Variants in AGBL4 observed in about 807,000 individuals in gnomAD.
The protein encoded by AGBL4 is AGBL carboxypeptidase 4.
Under a neutral mutation model 66.4 loss-of-function variants are expected in AGBL4, and 58 were observed. The ratio of observed to expected loss-of-function variants is 0.87; its 90% CI spans 0.71 to 1.09. The LOEUF (loss-of-function observed/expected upper bound fraction) is 1.09. Ranked by LOEUF, AGBL4 falls within the 50% of genes least tolerant of loss-of-function variation. AGBL4 has a pLI of 0.00. For missense variants in AGBL4, 579 were observed against 631.0 expected, an observed-to-expected ratio of 0.92 and a Z score of 0.88; for synonymous variants, 234 against 222.9, an observed-to-expected ratio of 1.05 and a Z score of -0.44.
chr1:49,517,123 C>T (rs1649890802), intron 3 of AGBL4, among the ~76,000 whole-genome samples: 1 of 151,742 alleles, frequency 6.6e-6, no homozygotes, highest in African/African-American at 2.4e-5. Context: ...TACACATCAC[C>T]TCAAGTGTGT....
chr1:49,847,593 T>G (rs902343389), intron 2 of AGBL4, among the ~76,000 whole-genome samples: 12 of 151,948 alleles, frequency 7.9e-5, no homozygotes, highest in Non-Finnish European at 4.4e-5. Flanking sequence ...TATCCAAAAT[T>G]TATAAGGAAC....
intron 6 of AGBL4, among the ~76,000 whole-genome samples, chr1:48,747,641 C>G (rs960083088): frequency 1.3e-5 from 2 of 152,208 alleles, no homozygotes; most frequent in Admixed American, 1.3e-4. Flanking sequence ...CCTCTTTAAG[C>G]CCTACTGGCT....
At chr1:48,799,939 A>T (rs1467894071) in intron 6 of AGBL4, among the ~76,000 whole-genome samples, 3 of 152,044 alleles carry the variant, frequency 2.0e-5, no homozygotes, top group Non-Finnish European at 4.4e-5. Context: ...TGTTCATCAG[A>T]GATATTGGTC....
At chr1:48,833,284 C>G (rs1282707172) in intron 6 of AGBL4, among the ~76,000 whole-genome samples, 1 of 152,138 alleles carries the variant, frequency 6.6e-6, no homozygotes, top group Admixed American at 6.5e-5. Flanking sequence ...TTATTAGATA[C>G]TAGAGGGAAG....
intron 5 of AGBL4, among the ~76,000 whole-genome samples, chr1:48,898,383 A>T (rs914263009): frequency 6.6e-6 from 1 of 151,986 alleles, no homozygotes; most frequent in Non-Finnish European, 1.5e-5. Context: ...TTTTGCCCAG[A>T]CCAAGGTCCT....
intron 1 of AGBL4, among the ~76,000 whole-genome samples, chr1:49,948,493 A>G (rs1270640809): frequency 2.6e-4 from 33 of 127,014 alleles, no homozygotes; most frequent in African/African-American, 8.8e-4. Flanking sequence ...ATAAATATAT[A>G]AAAATATATA....
intron 11 of AGBL4, chr1:48,586,111 C>A (rs188765935): frequency 6.6e-6 from 1 of 152,202 alleles, no homozygotes; most frequent in Non-Finnish European, 1.5e-5. Flanking sequence ...GAATCTGCCA[C>A]GATCTGTTAC....
intron 6 of AGBL4, among the ~76,000 whole-genome samples, chr1:48,830,730 C>T (rs990082591): frequency 6.6e-5 from 10 of 152,172 alleles, no homozygotes; most frequent in Admixed American, 6.5e-5. Context: ...CAATAAATAA[C>T]TTTGGGCACC....
At chr1:49,555,771 T>C (rs1423075721) in intron 3 of AGBL4, among the ~76,000 whole-genome samples, 2 of 150,604 alleles carry the variant, frequency 1.3e-5, no homozygotes, top group Admixed American at 6.6e-5. Context: ...AACAGACACA[T>C]GAAAAAATGC....
chr1:48,541,574 C>G (rs1317522634), intron 11 of AGBL4, among the ~76,000 whole-genome samples: 2 of 152,154 alleles, frequency 1.3e-5, no homozygotes, highest in Non-Finnish European at 2.9e-5. Context: ...GAGCTTGAGA[C>G]CAGCTTGACC....
At chr1:49,365,009 A>G (rs1317870166) in intron 3 of AGBL4, among the ~76,000 whole-genome samples, 1 of 152,208 alleles carries the variant, frequency 6.6e-6, no homozygotes, top group African/African-American at 2.4e-5. Context: ...TATATAAACG[A>G]TAAGTATAAA....
chr1:49,904,551 G>C lies in AGBL4; in HGVS notation c.35-53033C>G, dbSNP rs1032928101. On this transcript the variant is annotated intron_variant, in intron 1 of 13. Transcript: ENST00000371839. ...TAAGAAATGAGCTCTTTTAAAAAGGGTTAGTTGGAAAACTCCAATAGCATT... is the reference window on the plus strand; with the variant it reads ...TAAGAAATGAGCTCTTTTAAAAAGGCTTAGTTGGAAAACTCCAATAGCATT... 3.3e-5 allele frequency among the ~76,000 whole-genome samples: 5 copies of C among 152,150 alleles called. No individual in the cohort carries two copies. In the East Asian group the frequency reaches 9.6e-4, roughly 29 times the overall value.
chr1:49,258,793 G>A (rs1225120169), intron 3 of AGBL4, among the ~76,000 whole-genome samples: 1 of 152,078 alleles, frequency 6.6e-6, no homozygotes, highest in Non-Finnish European at 1.5e-5. Context: ...TCAGATTCAG[G>A]AAATACAGAG....
intron 4 of AGBL4, among the ~76,000 whole-genome samples, chr1:49,116,860 C>A (rs1457945100): frequency 6.6e-6 from 1 of 152,188 alleles, no homozygotes; most frequent in East Asian, 1.9e-4. Context: ...ACTTCTATTT[C>A]TCCACATCCT....
chr1:48,847,399 CAAA>C (rs11413755), intron 6 of AGBL4, among the ~76,000 whole-genome samples: 2 of 126,164 alleles, frequency 1.6e-5, no homozygotes, highest in Admixed American at 1.6e-4. Context: ...AGAAATGAGG[CAAA>C]AAAAAAAAAA....
chr1:49,935,708 C>G (rs1311502050), intron 1 of AGBL4, among the ~76,000 whole-genome samples: 1 of 152,180 alleles, frequency 6.6e-6, no homozygotes, highest in East Asian at 1.9e-4. Context: ...GCCACCGCTG[C>G]TGATACCCAG....
chr1:49,999,112 C>T (rs749800226), intron 1 of AGBL4, among the ~76,000 whole-genome samples: 10 of 151,856 alleles, frequency 6.6e-5, no homozygotes, highest in Non-Finnish European at 1.2e-4. Flanking sequence ...AAAGAAAGGA[C>T]GTCCAAATCA....
chr1:49,147,425 G>A lies in AGBL4; in HGVS notation c.377+98345C>T, dbSNP rs971770223. ...TGCATGTCAGCTTGAGAGAGAGAGA[G>A]AACAAGCTAGCAAGTTGCCACTAGC... On this transcript the variant is annotated intron_variant, in intron 4 of 13. Transcript: ENST00000371839. 7.2e-5 allele frequency among the ~76,000 whole-genome samples: 11 copies of A among 152,134 alleles called. 1 individual carries two copies. Among genetic ancestry groups the A allele is most frequent in the African/African-American group, 2.7e-4 (11 of 41,426 alleles).
chr1:49,821,250 A>G (rs1285478693), intron 2 of AGBL4, among the ~76,000 whole-genome samples: 1 of 152,192 alleles, frequency 6.6e-6, no homozygotes, highest in Non-Finnish European at 1.5e-5. Context: ...CAAATCATTC[A>G]ATATTCAAAA....
Sources: gnomAD v4.1 joint callset for allele counts (sites outside exome capture counted in the v4.1 genomes callset) on GRCh38, gnomAD v4.1.1 for gene constraint, MANE v1.5 for transcripts, NCBI Gene and HGNC (gene_info 2026-07-23, HGNC 2026-07-21) for gene names.